The following ASTN2 variants were observed in gnomAD, a reference collection of about 807,000 sequenced individuals.
ASTN2 encodes the protein astrotactin-2.
In ASTN2, 54 loss-of-function variants were observed where a neutral mutation model predicts 139.8. That is an observed-to-expected ratio of 0.39 (90% CI 0.31 to 0.48). The LOEUF is 0.48. ASTN2 is among the 20% of genes least tolerant of loss of function. The pLI, the probability that ASTN2 is intolerant of heterozygous loss-of-function variation, is 0.95. For synonymous variants in ASTN2, 756 were observed against 719.5 expected (o/e 1.05, Z -0.81); for missense variants, 1,565 against 1,725.1 (o/e 0.91, Z 1.64).
chr9:117,016,611 T>TTAC (rs1837689985), intron 6 of ASTN2, among the ~76,000 whole-genome samples: 1 of 3,340 alleles, frequency 3.0e-4, no homozygotes, highest in Non-Finnish European at 6.8e-4. Flanking sequence ...TATCTATATC[T>TTAC]ATATCTATCT....
At chr9:117,148,816 C>T (rs1010104228) in intron 3 of ASTN2, among the ~76,000 whole-genome samples, 1 of 152,054 alleles carries the variant, frequency 6.6e-6, no homozygotes, top group Non-Finnish European at 1.5e-5. Context: ...TGTGCATGAG[C>T]CTCATCCACT....
chr9:116,960,076 C>T (rs1835833443), intron 10 of ASTN2, among the ~76,000 whole-genome samples: 1 of 152,068 alleles, frequency 6.6e-6, no homozygotes, highest in African/African-American at 2.4e-5. Flanking sequence ...GTTCAAAATC[C>T]GTCACAGCCA....
At chr9:116,889,445 T>A (rs577724643) in intron 10 of ASTN2, among the ~76,000 whole-genome samples, 3 of 152,098 alleles carry the variant, frequency 2.0e-5, no homozygotes, top group Admixed American at 1.3e-4. Context: ...CCTGTTCACC[T>A]CCCTGGCTTC....
At chr9:116,629,149 G>A (rs534528691) in intron 17 of ASTN2, among the ~76,000 whole-genome samples, 3 of 123,118 alleles carry the variant, frequency 2.4e-5, no homozygotes, top group Admixed American at 1.1e-4. Flanking sequence ...ACGGAGTCTC[G>A]CTCTGTTGCC....
chr9:116,499,153 T>C (rs1358694872), intron 19 of ASTN2, among the ~76,000 whole-genome samples: 1 of 152,220 alleles, frequency 6.6e-6, no homozygotes, highest in Non-Finnish European at 1.5e-5. Flanking sequence ...CTAGTGATAA[T>C]TTGTAGTTAC....
At chr9:117,379,463 T>G (rs1405045154) in intron 1 of ASTN2, among the ~76,000 whole-genome samples, 1 of 152,126 alleles carries the variant, frequency 6.6e-6, no homozygotes, top group East Asian at 1.9e-4. Context: ...AAAATCTCTC[T>G]CCAGTCATCC....
chr9:116,726,607 A>G (rs1483981477), intron 15 of ASTN2, among the ~76,000 whole-genome samples: 2 of 152,112 alleles, frequency 1.3e-5, no homozygotes, highest in African/African-American at 2.4e-5. Context: ...TTCCTGTAGC[A>G]TTGCTTTTCT....
chr9:116,559,974 G>A (rs1013376486), intron 19 of ASTN2, among the ~76,000 whole-genome samples: 1 of 152,146 alleles, frequency 6.6e-6, no homozygotes, highest in Non-Finnish European at 1.5e-5. Context: ...AGAAACAACT[G>A]TACAAAGCAA....
chr9:116,683,042 TAA>T (rs1290491050), intron 16 of ASTN2, among the ~76,000 whole-genome samples: 21 of 68,648 alleles, frequency 3.1e-4, no homozygotes, highest in South Asian at 8.9e-4. Context: ...TAAAATAAAA[TAA>T]AAAATAAAAA....
intron 2 of ASTN2, among the ~76,000 whole-genome samples, chr9:117,276,496 G>C (rs764924329): frequency 2.6e-5 from 4 of 152,168 alleles, no homozygotes; most frequent in Non-Finnish European, 5.9e-5. Flanking sequence ...CAAAGCCTCT[G>C]GCACAGCCAC....
chr9:117,364,930 TAGTG>T (rs1457185472), intron 1 of ASTN2, among the ~76,000 whole-genome samples: 7 of 142,916 alleles, frequency 4.9e-5, no homozygotes, highest in Non-Finnish European at 1.1e-4. Context: ...CTAGGCAACA[TAGTG>T]AGACTCCATC....
intron 1 of ASTN2, among the ~76,000 whole-genome samples, chr9:117,346,312 T>G (rs1829216081): frequency 6.6e-6 from 1 of 152,206 alleles, no homozygotes; most frequent in Admixed American, 6.5e-5. Context: ...TGTGCTAAGT[T>G]TCTTGGACAA....
chr9:116,968,818 G>A (rs4543612), intron 10 of ASTN2, among the ~76,000 whole-genome samples: 8,767 of 150,900 alleles, frequency 0.058, 404 homozygotes, highest in African/African-American at 0.13. Flanking sequence ...AGAATAGCTC[G>A]AGCTTGGGAG....
chr9:117,123,438 G>A (rs903038036), intron 4 of ASTN2, among the ~76,000 whole-genome samples: 9 of 152,056 alleles, frequency 5.9e-5, no homozygotes, highest in African/African-American at 2.2e-4. Flanking sequence ...CTTGCCTCGT[G>A]AGCCAAAATT....
At chr9:117,371,503 G>A (rs184749326) in intron 1 of ASTN2, among the ~76,000 whole-genome samples, 11 of 152,168 alleles carry the variant, frequency 7.2e-5, no homozygotes, top group African/African-American at 2.6e-4. Flanking sequence ...ATGTTTCCAA[G>A]GAAGTTAAAA....
chr9:116,537,702 C>G (rs1343461936), intron 19 of ASTN2, among the ~76,000 whole-genome samples: 1 of 152,158 alleles, frequency 6.6e-6, no homozygotes, highest in East Asian at 1.9e-4. Flanking sequence ...AATCAGAGAA[C>G]TCCACTGACT....
intron 10 of ASTN2, among the ~76,000 whole-genome samples, chr9:116,864,962 A>C (rs1045023644): frequency 2.6e-5 from 4 of 152,182 alleles, no homozygotes; most frequent in African/African-American, 9.7e-5. Flanking sequence ...CAGTACTTAG[A>C]GAAGAAATAT....
intron 2 of ASTN2, among the ~76,000 whole-genome samples, chr9:117,285,565 C>T (rs1169046934): frequency 6.6e-6 from 1 of 152,232 alleles, no homozygotes; most frequent in African/African-American, 2.4e-5. Context: ...TTATATTCCT[C>T]AAAGTATTAT....
chr9:116,596,961 G>A (rs1013638470), intron 19 of ASTN2, among the ~76,000 whole-genome samples: 1 of 152,156 alleles, frequency 6.6e-6, no homozygotes, highest in Non-Finnish European at 1.5e-5. Flanking sequence ...GTAGGCTAGT[G>A]TTGTTACTGC....
Sources: gnomAD v4.1 joint callset for allele counts (sites outside exome capture counted in the v4.1 genomes callset) on GRCh38, gnomAD v4.1.1 for gene constraint, MANE v1.5 for transcripts, NCBI Gene and HGNC (gene_info 2026-07-23, HGNC 2026-07-21) for gene names.